Variants in CHEK1 observed in about 807,000 individuals in gnomAD.
The protein encoded by CHEK1 is serine/threonine-protein kinase Chk1.
A neutral mutation model predicts 60.2 loss-of-function variants in CHEK1; 32 were observed. The observed-to-expected ratio is 0.53, with a 90% CI of 0.40 to 0.71. The LOEUF is 0.71. Ranked by LOEUF, CHEK1 falls within the 30% of genes least tolerant of loss-of-function variation. CHEK1 has a pLI of 0.00. For missense variants in CHEK1, 399 were observed against 564.6 expected (o/e 0.71, Z 2.97); for synonymous variants, 179 against 187.2 (o/e 0.96, Z 0.36).
At chr11:125,661,055 C>T (rs926865582), downstream of CHEK1, among the ~76,000 whole-genome samples, 1 of 152,124 alleles carries the variant, frequency 6.6e-6, no homozygotes, top group African/African-American at 2.4e-5. Flanking sequence ...GGATTACAAG[C>T]GTGAGCCACT....
chr11:125,644,141 T>G lies in CHEK1; in HGVS notation c.974T>G (p.Leu325Arg). 6.2e-7 allele frequency: 1 copy of G among 1,614,138 alleles called. No homozygotes were observed. Among genetic ancestry groups the G allele is most frequent in the Non-Finnish European group, 8.5e-7 (1 of 1,180,024 alleles). The part of the protein sequence containing the change: ...SSSQPEPRTG[L>R]SLWDTSPSYI... ...TCTCAGCCAGAACCCCGCACAGGTC[T>G]TTCCTTATGGGATACCAGCCCCTCA... The change falls in exon 10 of 13, where the codon CTT becomes CGT. Residue 325 changes from leucine (L) to arginine (R), a missense_variant. Around this residue, in one of 2 missense-constraint regions of CHEK1, gnomAD observed 370 missense variants for 494.8 expected, o/e 0.75. Coordinates refer to ENST00000438015, the MANE Select transcript of CHEK1 (RefSeq NM_001114122.3).
intron 6 of CHEK1, 44 bp from the exon 7 acceptor site, chr11:125,635,385 A>G (rs546879188): frequency 5.2e-6 from 6 of 1,161,212 alleles, no homozygotes; most frequent in African/African-American, 3.2e-5. Context: ...TGAAATCTTT[A>G]TAATAAGAAC....
chr11:125,680,756 T>C (rs777517851), downstream of CHEK1: 10 of 1,613,790 alleles, frequency 6.2e-6, no homozygotes, highest in Non-Finnish European at 8.5e-6. Context: ...AGATAAAGAC[T>C]CATTAGCAAG....
chr11:125,675,834 G>A (rs968129506), intron 13 of CHEK1: 1 of 153,972 alleles, frequency 6.5e-6, no homozygotes, highest in African/African-American at 2.4e-5. Flanking sequence ...CTTCTCTTAG[G>A]CCTAATGGGA....
At chr11:125,649,787 A>G (rs1302100078) in intron 11 of CHEK1, 1 of 151,320 alleles carries the variant, frequency 6.6e-6, no homozygotes, top group African/African-American at 2.4e-5. Context: ...TGTAGTATCT[A>G]TTCCTATCAG....
chr11:125,675,649 C>A (rs1036766679), intron 13 of CHEK1, among the ~76,000 whole-genome samples: 6 of 152,154 alleles, frequency 3.9e-5, no homozygotes, highest in African/African-American at 1.4e-4. Context: ...TGAACACAGA[C>A]TTGTAGACAG....
At chr11:125,671,788 A>G (rs1371698071) in intron 13 of CHEK1, 1 of 152,220 alleles carries the variant, frequency 6.6e-6, no homozygotes, top group Non-Finnish European at 1.5e-5. Context: ...GGATGATGCC[A>G]TCTTTCCTGT....
At chr11:125,642,775 G>C (rs1941354653) in intron 8 of CHEK1, 1 of 152,170 alleles carries the variant, frequency 6.6e-6, no homozygotes, top group Non-Finnish European at 1.5e-5. Flanking sequence ...AAATAACTTA[G>C]CTTTGGTAGG....
rs1941913979 is a variant in CHEK1 at position 125,656,762 on chromosome 11, C to T, written c.*1442C>T. 4 of 214,956 alleles carry T rather than the reference C, an allele frequency of 1.9e-5. No individual in the cohort carries two copies. In the East Asian group the frequency reaches 2.8e-4, roughly 15 times the overall value. The allele number at this position is 214,956 out of a possible 1,614,324, so 13.3% of individuals were successfully genotyped here. On this transcript the variant is annotated 3_prime_UTR_variant, in exon 13 of 13. Coordinates refer to ENST00000438015, the MANE Select transcript of CHEK1 (RefSeq NM_001114122.3). ...TTCCTGTTCTCCAACCTGTTCCTCT[C>T]CTAGTTTTCTCCATCTCAGAAATGT...
chr11:125,676,466 T>C (rs1942515237), downstream of CHEK1: 6 of 1,614,174 alleles, frequency 3.7e-6, no homozygotes, highest in East Asian at 1.3e-4. Context: ...TGTGTAGCAA[T>C]TTAATATTGT....
chr11:125,676,726 C>G (rs192350279), downstream of CHEK1, among the ~76,000 whole-genome samples: 1 of 152,268 alleles, frequency 6.6e-6, no homozygotes, highest in East Asian at 1.9e-4. Context: ...TTACTCCAGT[C>G]CATATCTGCA....
Position 125,644,203 on chromosome 11 carries a change from C to T in CHEK1, c.1036C>T (p.Gln346Ter), listed in dbSNP as rs199535573. Residue 346 changes from glutamine to a stop codon, truncating the protein, a stop_gained, in exon 10 of 13, where the codon CAG (glutamine) becomes TAG (stop). Coordinates refer to ENST00000438015, the MANE Select transcript of CHEK1 (RefSeq NM_001114122.3). LOFTEE classifies it high-confidence loss of function. ...DKLVQGISFS[Q>*]PTCPDHMLLN... is the part of the protein sequence containing the mutation. ...ATTGGTACAAGGGATCAGCTTTTCC[C>T]AGCCCACATGTCCTGATCATATGCT... The T allele has an allele frequency of 5.9e-5, 95 of 1,614,056 alleles. No individual in the cohort carries two copies. Among genetic ancestry groups the T allele is most frequent in the Non-Finnish European group, 7.7e-5 (91 of 1,180,038 alleles).
At chr11:125,641,424 G>C (rs1941300332) in intron 8 of CHEK1, among the ~76,000 whole-genome samples, 2 of 151,950 alleles carry the variant, frequency 1.3e-5, no homozygotes, top group African/African-American at 4.8e-5. Context: ...CACTCCATTA[G>C]TGATATTACT....
downstream of CHEK1, among the ~76,000 whole-genome samples, chr11:125,676,921 C>A (rs139214489): frequency 1.3e-5 from 2 of 150,790 alleles, no homozygotes; most frequent in African/African-American, 2.5e-5. Context: ...CATTGCAAAC[C>A]CTGTGAAGAG....
At chr11:125,680,030 C>G (rs894499097), downstream of CHEK1, among the ~76,000 whole-genome samples, 3 of 152,246 alleles carry the variant, frequency 2.0e-5, no homozygotes, top group African/African-American at 4.8e-5. Context: ...CACCATGTGA[C>G]TGGCACATAC....
rs143504468 is a variant in CHEK1 at position 125,636,919 on chromosome 11, T to C, written c.719-530T>C. ...AGTTCCCTATGTTTTCATTTAGTGTTTTTATGGCTTCATTTTTCCATTTAA... is the reference window on the plus strand; with the variant it reads ...AGTTCCCTATGTTTTCATTTAGTGTCTTTATGGCTTCATTTTTCCATTTAA... On this transcript the variant is annotated intron_variant, in intron 7 of 12. Coordinates refer to ENST00000438015, the MANE Select transcript of CHEK1 (RefSeq NM_001114122.3). Among the ~76,000 whole-genome samples the C allele has an allele frequency of 6.8e-3, 1,032 of 152,274 alleles. 17 individuals carry two copies. Among genetic ancestry groups the C allele is most frequent in the African/African-American group, 0.023 (954 of 41,574 alleles).
intron 11 of CHEK1, among the ~76,000 whole-genome samples, chr11:125,648,418 TAA>T (rs1941581113): frequency 6.6e-6 from 1 of 152,020 alleles, no homozygotes; most frequent in African/African-American, 2.4e-5. Flanking sequence ...CCGTCTCTAC[TAA>T]AAATACAAAA....
intron 13 of CHEK1, among the ~76,000 whole-genome samples, chr11:125,665,225 G>GTTT (rs71279470): frequency 9.1e-5 from 11 of 120,540 alleles, no homozygotes; most frequent in African/African-American, 2.5e-4. Flanking sequence ...CTCCAGCTTT[G>GTTT]TTTTTTTTTT....
chr11:125,644,994 T>A (rs1941445957), intron 11 of CHEK1, among the ~76,000 whole-genome samples: 1 of 152,088 alleles, frequency 6.6e-6, no homozygotes, highest in South Asian at 2.1e-4. Flanking sequence ...GCCAACAGAG[T>A]GAGACTGTCT....
Sources: allele counts gnomAD v4.1 joint callset (sites outside exome capture counted in the v4.1 genomes callset), GRCh38; gene constraint gnomAD v4.1.1; regional missense constraint gnomAD v4.1.1; transcripts MANE v1.5; gene names NCBI Gene and HGNC (gene_info 2026-07-23, HGNC 2026-07-21).